RBFOX1: variants seen among roughly 807,000 people sequenced by gnomAD.
RBFOX1 encodes RNA binding protein fox-1 homolog 1.
RBFOX1 carries 8 observed loss-of-function variants against 57.7 expected under a neutral mutation model. The observed-to-expected ratio is 0.14, with a 90% CI of 0.08 to 0.25. The LOEUF (loss-of-function observed/expected upper bound fraction) is 0.25. RBFOX1 is among the 10% of genes least tolerant of loss of function. The pLI, the probability that RBFOX1 is intolerant of heterozygous loss-of-function variation, is 1.00. For synonymous variants in RBFOX1, 326 were observed against 222.4 expected, an observed-to-expected ratio of 1.47 and a Z score of -4.15; for missense variants, 611 against 548.5, an observed-to-expected ratio of 1.11 and a Z score of -1.14.
intron 3 of RBFOX1, among the ~76,000 whole-genome samples, chr16:6,741,201 C>G (rs371851376): frequency 6.6e-6 from 1 of 152,046 alleles, no homozygotes; most frequent in African/African-American, 2.4e-5. Context: ...AAATCTTGAC[C>G]TAAACTTCAC....
chr16:6,890,211 A>C (rs895375898), intron 3 of RBFOX1, among the ~76,000 whole-genome samples: 2 of 152,174 alleles, frequency 1.3e-5, no homozygotes, highest in African/African-American at 4.8e-5. Context: ...TTGGTACCCT[A>C]AAATATTGTT....
At chr16:6,390,027 T>C (rs187517960) in intron 2 of RBFOX1, among the ~76,000 whole-genome samples, 1 of 152,254 alleles carries the variant, frequency 6.6e-6, no homozygotes, top group Admixed American at 6.5e-5. Context: ...TTGCTTTTGG[T>C]CAGGAGCTCC....
intron 3 of RBFOX1, among the ~76,000 whole-genome samples, chr16:6,859,131 A>ATATATATGTATATATATATGTC (rs2058474796): frequency 2.5e-5 from 1 of 40,396 alleles, no homozygotes; most frequent in African/African-American, 1.4e-4. Context: ...ATATATATAC[A>ATATATATGTATATATATATGTC]TATATATACG....
intron 3 of RBFOX1, among the ~76,000 whole-genome samples, chr16:5,749,343 C>A (rs1026791910): frequency 1.3e-5 from 2 of 152,094 alleles, no homozygotes; most frequent in African/African-American, 4.8e-5. Context: ...ATTTATTTGT[C>A]TTGGAGTTGC....
At chr16:6,587,228 G>A (rs942983513) in intron 2 of RBFOX1, among the ~76,000 whole-genome samples, 1 of 152,024 alleles carries the variant, frequency 6.6e-6, no homozygotes, top group Non-Finnish European at 1.5e-5. Context: ...CTGCATTTAT[G>A]GGTTCACTTC....
intron 1 of RBFOX1, among the ~76,000 whole-genome samples, chr16:5,339,317 A>G (rs548006260): frequency 4.1e-4 from 63 of 152,160 alleles, no homozygotes; most frequent in Non-Finnish European, 6.2e-4. Context: ...GTACTGTTAT[A>G]GTAACATGCT....
intron 3 of RBFOX1, among the ~76,000 whole-genome samples, chr16:6,757,122 G>A (rs926477497): frequency 6.6e-6 from 1 of 152,090 alleles, no homozygotes; most frequent in Admixed American, 6.5e-5. Context: ...CAATTAGAAC[G>A]ACTATTATCA....
intron 4 of RBFOX1, among the ~76,000 whole-genome samples, chr16:7,433,232 C>G (rs1331361016): frequency 6.6e-6 from 1 of 152,206 alleles, no homozygotes; most frequent in South Asian, 2.1e-4. Flanking sequence ...GTTTTCTTGC[C>G]TCTTCTAGTA....
intron 4 of RBFOX1, among the ~76,000 whole-genome samples, chr16:7,075,793 G>A (rs2058182807): frequency 6.6e-6 from 1 of 152,102 alleles, no homozygotes; most frequent in South Asian, 2.1e-4. Flanking sequence ...TTTTAGCCAG[G>A]ATGGTCTTGA....
At position 6,562,968 on chromosome 16, in the gene RBFOX1, C is replaced by G. The variant is rs1376551371; in HGVS notation, c.-63-91635C>G. Among the ~76,000 whole-genome samples the G allele has an allele frequency of 6.3e-5, 9 of 142,052 alleles. 1 individual carries two copies. In the Admixed American group the frequency reaches 6.7e-4, roughly 11 times the overall value. 93.2% of individuals were successfully genotyped at this position (142,052 alleles called of 152,430 possible). On this transcript the variant is annotated intron_variant, in intron 2 of 15. Coordinates refer to ENST00000550418, the MANE Select transcript of RBFOX1 (RefSeq NM_018723.4). ...TCCCACAGCCCTTTCCTGGGTATGTCCTTCTGTGCAATGTACCTTCCATGA... is the reference window on the plus strand; with the variant it reads ...TCCCACAGCCCTTTCCTGGGTATGTGCTTCTGTGCAATGTACCTTCCATGA...
At chr16:6,843,739 C>T (rs1318253825) in intron 3 of RBFOX1, among the ~76,000 whole-genome samples, 2 of 152,254 alleles carry the variant, frequency 1.3e-5, no homozygotes, top group East Asian at 3.9e-4. Flanking sequence ...TTCCTTTTCA[C>T]ATATAAATTA....
intron 3 of RBFOX1, among the ~76,000 whole-genome samples, chr16:6,960,776 C>G (rs549246927): frequency 6.6e-6 from 1 of 152,042 alleles, no homozygotes; most frequent in South Asian, 2.1e-4. Flanking sequence ...CTTCAATCAT[C>G]ATATCCCTGA....
intron 2 of RBFOX1, among the ~76,000 whole-genome samples, chr16:6,388,686 G>C (rs145227156): frequency 6.6e-6 from 1 of 152,234 alleles, no homozygotes; most frequent in East Asian, 1.9e-4. Flanking sequence ...GCTGCAGGGA[G>C]CTATGATTGT....
At chr16:7,058,898 G>A (rs546967556) in intron 4 of RBFOX1, among the ~76,000 whole-genome samples, 2 of 152,254 alleles carry the variant, frequency 1.3e-5, no homozygotes, top group South Asian at 4.1e-4. Flanking sequence ...ATTGCCCGCA[G>A]TTATGACAAA....
At chr16:6,075,346 T>G (rs1356670680) in intron 1 of RBFOX1, among the ~76,000 whole-genome samples, 1 of 152,256 alleles carries the variant, frequency 6.6e-6, no homozygotes, top group Non-Finnish European at 1.5e-5. Context: ...ATTCATCTGT[T>G]TAACAAACAT....
chr16:7,262,999 A>T (rs2094979583), intron 4 of RBFOX1, among the ~76,000 whole-genome samples: 1 of 152,126 alleles, frequency 6.6e-6, no homozygotes, highest in South Asian at 2.1e-4. Flanking sequence ...GGTGATAGGA[A>T]AGGAGTTTGT....
intron 2 of RBFOX1, among the ~76,000 whole-genome samples, chr16:6,384,962 A>G (rs900118522): frequency 6.6e-6 from 1 of 152,166 alleles, no homozygotes; most frequent in Non-Finnish European, 1.5e-5. Context: ...TTCTGTGTAA[A>G]TGGTAGCCAT....
At chr16:6,276,160 C>G (rs1479787115) in intron 1 of RBFOX1, among the ~76,000 whole-genome samples, 4 of 152,080 alleles carry the variant, frequency 2.6e-5, no homozygotes, top group Middle Eastern at 3.2e-3. Context: ...TGAAGAAAAA[C>G]ATAGATAAAC....
intron 3 of RBFOX1, among the ~76,000 whole-genome samples, chr16:5,643,251 A>G (rs995713755): frequency 6.6e-6 from 1 of 152,148 alleles, no homozygotes; most frequent in Non-Finnish European, 1.5e-5. Flanking sequence ...TTTTGACCTT[A>G]GACTGCCTCT....
Sources: gnomAD v4.1 joint callset for allele counts (sites outside exome capture counted in the v4.1 genomes callset) on GRCh38, gnomAD v4.1.1 for gene constraint, MANE v1.5 for transcripts, NCBI Gene and HGNC (gene_info 2026-07-23, HGNC 2026-07-21) for gene names.